The following ADAM10 variants were observed in gnomAD, a reference collection of about 807,000 sequenced individuals.
ADAM10 encodes the protein ADAM metallopeptidase domain 10, also known as disintegrin and metalloproteinase domain-containing protein 10.
ADAM10 carries 17 observed loss-of-function variants against 90.1 expected under a neutral mutation model. That is an observed-to-expected ratio of 0.19 (90% CI 0.13 to 0.28). The LOEUF (loss-of-function observed/expected upper bound fraction) is 0.28, where lower values mean the gene tolerates loss of function less well. Ranked by LOEUF, ADAM10 falls within the 10% of genes least tolerant of loss-of-function variation. The probability of loss-of-function intolerance (pLI) is 1.00; values close to 1 mark genes in which losing one functional copy is unlikely to be tolerated. For synonymous variants in ADAM10, 310 were observed against 298.6 expected (o/e 1.04, Z -0.40); for missense variants, 610 against 914.3 (o/e 0.67, Z 4.29).
intron 1 of ADAM10, among the ~76,000 whole-genome samples, chr15:58,729,191 C>T (rs1487793740): frequency 1.3e-5 from 2 of 152,016 alleles, no homozygotes; most frequent in Admixed American, 6.5e-5. Flanking sequence ...GACCCTGTCT[C>T]TATTTTTTAA....
intron 14 of ADAM10, among the ~76,000 whole-genome samples, chr15:58,604,900 G>A (rs919151268): frequency 2.0e-5 from 3 of 152,008 alleles, no homozygotes; most frequent in Non-Finnish European, 2.9e-5. Flanking sequence ...CACACCCTGC[G>A]AATTCATTTA....
At chr15:58,686,285 T>TA in intron 2 of ADAM10, 1 of 588,472 alleles carries the variant, frequency 1.7e-6, no homozygotes, top group East Asian at 2.8e-5. Flanking sequence ...TGTCATTTAA[T>TA]AGAGAACCCA....
At chr15:58,651,756 G>A (rs1178434228) in intron 5 of ADAM10, among the ~76,000 whole-genome samples, 5 of 152,100 alleles carry the variant, frequency 3.3e-5, no homozygotes, top group African/African-American at 1.2e-4. Context: ...ATCTCTTCGG[G>A]TAGATGTGCA....
chr15:58,653,448 TGC>T (rs1896736459), intron 5 of ADAM10, among the ~76,000 whole-genome samples: 1 of 152,236 alleles, frequency 6.6e-6, no homozygotes, highest in African/African-American at 2.4e-5. Flanking sequence ...TTTTATCAAC[TGC>T]TTTTTCAGCA....
chr15:58,716,542 T>C (rs150872438), intron 2 of ADAM10, among the ~76,000 whole-genome samples: 3 of 152,328 alleles, frequency 2.0e-5, no homozygotes, highest in East Asian at 1.9e-4. Flanking sequence ...AAATACACAC[T>C]TGATGCTGGC....
chr15:58,740,260 A>C (rs1406564076), intron 1 of ADAM10, among the ~76,000 whole-genome samples: 1 of 152,018 alleles, frequency 6.6e-6, no homozygotes, highest in Non-Finnish European at 1.5e-5. Context: ...AAATACAAAA[A>C]TGAGAAGGGC....
In ADAM10 at chr15:58,717,659, A is replaced by G; in HGVS notation, c.124T>C (p.Leu42=). ...TTGGCACGCTGGTGTTTTTGGTGTA[A>G]TGAATCCACATTGTAAGATAATCCT... ...YEGLSYNVDS[L]HQKHQRAKRA... Residue 42 remains leucine (L), a synonymous_variant, in exon 2 of 16, where the codon TTA becomes CTA. Transcript: ENST00000260408. 6.2e-7 allele frequency: 1 copy of G among 1,613,872 alleles called. No homozygotes were observed. The highest frequency in any genetic ancestry group is 8.5e-7 in the Non-Finnish European group (1 of 1,179,930).
At position 58,647,248 on chromosome 15, in the gene ADAM10, A is replaced by ATTTC. The variant is rs1162350060; in HGVS notation, c.586-1045_586-1044insGAAA. On this transcript the variant is annotated intron_variant, in intron 5 of 15. Coordinates refer to ENST00000260408, the MANE Select transcript of ADAM10 (RefSeq NM_001110.4). Reference sequence around the variant, plus strand: ...TGGCAGCAAAGAGTAGACACTAAGTATTTTTTTTTTTTTTTTTTTTTTTTT... The same window carrying ATTTC: ...TGGCAGCAAAGAGTAGACACTAAGTATTTCTTTTTTTTTTTTTTTTTTTTTTTTT... 1.6e-3 allele frequency among the ~76,000 whole-genome samples: 93 copies of ATTTC among 59,604 alleles called. 14 individuals carry two copies. Among genetic ancestry groups the ATTTC allele is most frequent in the African/African-American group, 4.7e-3 (87 of 18,648 alleles). The allele number at this position is 59,604 out of a possible 152,430, so 39.1% of individuals were successfully genotyped here.
intron 5 of ADAM10, among the ~76,000 whole-genome samples, chr15:58,653,554 G>A (rs1428832580): frequency 5.3e-5 from 8 of 152,042 alleles, no homozygotes; most frequent in African/African-American, 1.9e-4. Flanking sequence ...TTGCATCCCT[G>A]GGATAAATAC....
rs533160104 is a variant in ADAM10 at position 58,611,658 on chromosome 15, C to G, written c.1695+150G>C. The G allele has an allele frequency of 4.2e-6, 3 of 716,286 alleles. No homozygotes were observed. The South Asian group carries it at 5.8e-5, about 14-fold the overall frequency. The allele number at this position is 716,286 out of a possible 1,614,324, so 44.4% of individuals were successfully genotyped here. On this transcript the variant is annotated intron_variant, in intron 12 of 15. Transcript: ENST00000260408. ...GACAAATTAGTAGCTAATTGAATGC[C>G]ACATAATATATTCATGGTTTTGTGA...
intron 5 of ADAM10, among the ~76,000 whole-genome samples, chr15:58,664,569 A>C (rs1280669924): frequency 3.3e-5 from 5 of 152,184 alleles, no homozygotes; most frequent in Non-Finnish European, 7.4e-5. Flanking sequence ...ATATATGATA[A>C]ATGTTTTATC....
At chr15:58,737,578 C>T (rs1431485161) in intron 1 of ADAM10, among the ~76,000 whole-genome samples, 1 of 152,152 alleles carries the variant, frequency 6.6e-6, no homozygotes, top group East Asian at 1.9e-4. Context: ...AAAATAACAA[C>T]ACGTATCTCA....
chr15:58,703,031 T>C (rs1338257179), intron 2 of ADAM10, among the ~76,000 whole-genome samples: 1 of 152,202 alleles, frequency 6.6e-6, no homozygotes, highest in Non-Finnish European at 1.5e-5. Context: ...CTTTATGCTA[T>C]TTTAGCATTT....
intron 11 of ADAM10, among the ~76,000 whole-genome samples, chr15:58,612,959 T>G (rs1895491462): frequency 2.0e-5 from 3 of 152,130 alleles, no homozygotes; most frequent in Admixed American, 2.0e-4. Context: ...GCCCCACAGT[T>G]ACTCTACGCA....
At chr15:58,697,648 C>T (rs1381213126) in intron 2 of ADAM10, among the ~76,000 whole-genome samples, 1 of 152,118 alleles carries the variant, frequency 6.6e-6, no homozygotes, top group Non-Finnish European at 1.5e-5. Flanking sequence ...AGGGTTTTCC[C>T]ACTATCAACC....
At chr15:58,659,197 C>T (rs1259749897) in intron 5 of ADAM10, among the ~76,000 whole-genome samples, 7 of 150,992 alleles carry the variant, frequency 4.6e-5, no homozygotes, top group African/African-American at 1.2e-4. Context: ...CACTTGAACC[C>T]GGGAGGTGGA....
At chr15:58,640,608 T>C (rs1304923869) in intron 8 of ADAM10, among the ~76,000 whole-genome samples, 169 bp downstream of exon 8, 1 of 152,204 alleles carries the variant, frequency 6.6e-6, no homozygotes, top group African/African-American at 2.4e-5. Flanking sequence ...AGCTCCTTCA[T>C]CTATTGTGGC....
At chr15:58,685,541 G>T (rs1448822177) in intron 2 of ADAM10, among the ~76,000 whole-genome samples, 1 of 88,136 alleles carries the variant, frequency 1.1e-5, no homozygotes, top group African/African-American at 3.7e-5. Flanking sequence ...AGAATATGAA[G>T]GAGAATATAT....
intron 8 of ADAM10, among the ~76,000 whole-genome samples, chr15:58,639,748 T>C (rs1896365475): frequency 6.6e-6 from 1 of 152,004 alleles, no homozygotes; most frequent in Non-Finnish European, 1.5e-5. Context: ...TGACTTAAGA[T>C]ACTGACTTTT....
Sources: allele counts gnomAD v4.1 joint callset (sites outside exome capture counted in the v4.1 genomes callset), GRCh38; gene constraint gnomAD v4.1.1; transcripts MANE v1.5; gene names NCBI Gene and HGNC (gene_info 2026-07-23, HGNC 2026-07-21).